The following PEAK1 variants were observed in gnomAD, a reference collection of about 807,000 sequenced individuals.
The protein encoded by PEAK1 is inactive tyrosine-protein kinase PEAK1.
Under a neutral mutation model 124.7 loss-of-function variants are expected in PEAK1, and 54 were observed. The ratio of observed to expected loss-of-function variants is 0.43; its 90% CI spans 0.35 to 0.54. PEAK1 has a LOEUF of 0.54. PEAK1 is among the 20% of genes least tolerant of loss of function. PEAK1 has a pLI of 0.01. For synonymous variants in PEAK1, 719 were observed against 760.0 expected (o/e 0.95, Z 0.89); for missense variants, 2,046 against 2,134.5 (o/e 0.96, Z 0.82).
intron 2 of PEAK1, among the ~76,000 whole-genome samples, chr15:77,321,168 T>C (rs182485873): frequency 0.01 from 1,561 of 152,334 alleles, 31 homozygotes; most frequent in African/African-American, 0.036. Context: ...CCTTTGGGTA[T>C]ATACCCAGTA....
chr15:77,144,439 T>C (rs1450346086), intron 8 of PEAK1, among the ~76,000 whole-genome samples: 1 of 152,258 alleles, frequency 6.6e-6, no homozygotes, highest in Admixed American at 6.5e-5. Flanking sequence ...CTTTTTGCTT[T>C]ACTAAAGCAT....
intron 6 of PEAK1, among the ~76,000 whole-genome samples, chr15:77,207,793 T>C (rs1220109099): frequency 4.6e-5 from 7 of 152,146 alleles, no homozygotes; most frequent in Non-Finnish European, 7.4e-5. Flanking sequence ...TCAAACCTCA[T>C]AGAATGTACA....
chr15:77,343,073 C>T (rs1056502467), intron 2 of PEAK1, among the ~76,000 whole-genome samples: 28 of 152,170 alleles, frequency 1.8e-4, no homozygotes, highest in Admixed American at 1.6e-3. Context: ...TTTATATTCT[C>T]GTCAACAACA....
intron 1 of PEAK1, among the ~76,000 whole-genome samples, chr15:77,380,627 C>G (rs547910069): frequency 6.6e-6 from 1 of 151,988 alleles, no homozygotes; most frequent in Non-Finnish European, 1.5e-5. Context: ...CACAGGCATG[C>G]AACACTATGC....
intron 2 of PEAK1, chr15:77,350,981 A>G: frequency 1.0e-6 from 1 of 975,988 alleles, no homozygotes; most frequent in Non-Finnish European, 1.2e-6. Flanking sequence ...CACATCTATT[A>G]AGCACTATTG....
chr15:77,406,647 AAC>A (rs2142061423), intron 1 of PEAK1, among the ~76,000 whole-genome samples: 1 of 152,336 alleles, frequency 6.6e-6, no homozygotes, highest in South Asian at 2.1e-4. Flanking sequence ...CACAAATGGA[AAC>A]ACATCCCATG....
chr15:77,264,803 C>A lies in PEAK1; in HGVS notation c.-274-12277G>T, dbSNP rs979461406. On this transcript the variant is annotated intron_variant, in intron 5 of 9. Transcript: ENST00000682557. ...AAAGAGCCCGCATCGCCAAGTCAAT[C>A]CTAAGCCAAAAGAACAAAGCTGGAG... 2.3e-3 allele frequency among the ~76,000 whole-genome samples: 355 copies of A among 152,048 alleles called. 1 individual carries two copies. The highest frequency in any genetic ancestry group is 8.1e-3 in the African/African-American group (337 of 41,466).
At chr15:77,170,255 G>A (rs2056415619) in intron 7 of PEAK1, among the ~76,000 whole-genome samples, 2 of 151,752 alleles carry the variant, frequency 1.3e-5, no homozygotes, top group African/African-American at 2.4e-5. Context: ...ATCTACTTCT[G>A]TACATGTTTA....
intron 2 of PEAK1, among the ~76,000 whole-genome samples, chr15:77,310,608 A>C (rs912781282): frequency 6.6e-6 from 1 of 152,366 alleles, no homozygotes; most frequent in Admixed American, 6.5e-5. Flanking sequence ...GGTTTCTAGA[A>C]GGGCACATGC....
intron 1 of PEAK1, chr15:77,404,150 T>C (rs955321233): frequency 7.1e-6 from 7 of 985,422 alleles, no homozygotes; most frequent in Non-Finnish European, 8.4e-6. Flanking sequence ...TGAAGGTCCA[T>C]AAATATAGAA....
intron 1 of PEAK1, among the ~76,000 whole-genome samples, chr15:77,382,311 C>G (rs540414174): frequency 6.6e-6 from 1 of 152,326 alleles, no homozygotes; most frequent in Admixed American, 6.5e-5. Context: ...CATCCTTCAC[C>G]ATGCTACTTT....
chr15:77,265,651 G>T (rs556566189), intron 5 of PEAK1, among the ~76,000 whole-genome samples: 1 of 152,020 alleles, frequency 6.6e-6, no homozygotes, highest in South Asian at 2.1e-4. Flanking sequence ...CTTTTACACT[G>T]TTGGTGGGAC....
intron 5 of PEAK1, among the ~76,000 whole-genome samples, chr15:77,256,763 A>G (rs761845472): frequency 1.6e-4 from 24 of 152,144 alleles, no homozygotes; most frequent in Non-Finnish European, 2.6e-4. Flanking sequence ...TTCAGGGTAC[A>G]TGTGCACAAT....
At chr15:77,137,116 G>C (rs955719193) in intron 8 of PEAK1, among the ~76,000 whole-genome samples, 1 of 152,240 alleles carries the variant, frequency 6.6e-6, no homozygotes, top group African/African-American at 2.4e-5. Context: ...TCAAGAACTG[G>C]GGTTTGGGAA....
At chr15:77,278,882 G>C in intron 5 of PEAK1, 1 of 288,560 alleles carries the variant, frequency 3.5e-6, no homozygotes, top group Admixed American at 4.5e-5. Flanking sequence ...GCCCAGGCTG[G>C]AGTGCAATGG....
rs933667807 is a variant in PEAK1 at position 77,347,942 on chromosome 15, T to G, written c.-603+17221A>C. On this transcript the variant is annotated intron_variant, in intron 2 of 9. Coordinates refer to ENST00000682557, the MANE Select transcript of PEAK1 (RefSeq NM_001385026.1). ...AAGGATAAACTTTATTTTTAAGCAC[T>G]GAATGATTCCCAAACATACTGTATA... 4.1e-6 allele frequency: 4 copies of G among 984,988 alleles called. No homozygotes were observed. The African/African-American group carries it at 7.0e-5, about 17-fold the overall frequency. The allele number at this position is 984,988 out of a possible 1,614,324, so 61.0% of individuals were successfully genotyped here. A position where few individuals can be genotyped will look rare whatever the true frequency, so the allele number is the denominator to read the frequency against.
At chr15:77,185,908 G>A (rs1289789460) in intron 6 of PEAK1, among the ~76,000 whole-genome samples, 8 of 152,142 alleles carry the variant, frequency 5.3e-5, no homozygotes, top group Admixed American at 3.9e-4. Flanking sequence ...CAAAGGAATC[G>A]AAGCCTAGAA....
chr15:77,330,751 C>T (rs1360265549), intron 2 of PEAK1, among the ~76,000 whole-genome samples: 2 of 152,156 alleles, frequency 1.3e-5, no homozygotes, highest in Non-Finnish European at 1.5e-5. Context: ...GCATTCTCTC[C>T]CTTTCCCTCC....
intron 6 of PEAK1, among the ~76,000 whole-genome samples, chr15:77,250,065 C>A (rs2060771976): frequency 6.7e-6 from 1 of 149,794 alleles, no homozygotes; most frequent in Non-Finnish European, 1.5e-5. Flanking sequence ...GTGACAAGGG[C>A]ACAAAAAAGC....
Sources: allele counts gnomAD v4.1 joint callset (sites outside exome capture counted in the v4.1 genomes callset), GRCh38; gene constraint gnomAD v4.1.1; transcripts MANE v1.5; gene names NCBI Gene and HGNC (gene_info 2026-07-23, HGNC 2026-07-21).